The following SHISAL2A variants were observed in gnomAD, a reference collection of about 807,000 sequenced individuals.
SHISAL2A encodes protein shisa-like-2A.
SHISAL2A carries 18 observed loss-of-function variants against 11.5 expected under a neutral mutation model. That is an observed-to-expected ratio of 1.57 (90% CI 1.08 to 2.33). SHISAL2A has a LOEUF of 2.33. Ranked by LOEUF, SHISAL2A falls within the 30% of genes most tolerant of loss-of-function variation. SHISAL2A has a pLI of 0.00. For missense variants in SHISAL2A, 261 were observed against 250.9 expected (o/e 1.04, Z -0.27); for synonymous variants, 94 against 99.6 (o/e 0.94, Z 0.34).
At chr1:52,638,245 T>C (rs542121892) in intron 1 of SHISAL2A, among the ~76,000 whole-genome samples, 2 of 142,228 alleles carry the variant, frequency 1.4e-5, no homozygotes, top group South Asian at 4.5e-4. Flanking sequence ...GGAGAAAGAA[T>C]GGTAGACAGG....
At chr1:52,665,668 G>A (rs1239883325) in intron 4 of SHISAL2A, among the ~76,000 whole-genome samples, 4 of 152,156 alleles carry the variant, frequency 2.6e-5, no homozygotes, top group African/African-American at 9.7e-5. Context: ...TTGGGGCCCA[G>A]AGGAGGCCCT....
At chr1:52,638,748 G>T (rs1691293187) in intron 1 of SHISAL2A, among the ~76,000 whole-genome samples, 1 of 152,350 alleles carries the variant, frequency 6.6e-6, no homozygotes, top group Non-Finnish European at 1.5e-5. Context: ...CCACCTGACG[G>T]CCAGGAAGCT....
exon 6 of SHISAL2A, chr1:52,669,172 T>G (rs1692065126): frequency 6.8e-6 from 1 of 147,812 alleles, no homozygotes; most frequent in African/African-American, 2.6e-5. Flanking sequence ...AGATGGGGCT[T>G]CTCTTATTGC....
At chr1:52,667,314 C>G (rs2149898077) in intron 4 of SHISAL2A, 1 of 659,950 alleles carries the variant, frequency 1.5e-6, no homozygotes, top group Non-Finnish European at 1.9e-6. Context: ...CTCTTTTCCC[C>G]TCAGTAATAG....
At chr1:52,658,996 T>G (rs1691852233), downstream of SHISAL2A, among the ~76,000 whole-genome samples, 1 of 152,042 alleles carries the variant, frequency 6.6e-6, no homozygotes, top group Admixed American at 6.6e-5. Context: ...AGATTTTGGT[T>G]CTGGTCTTGC....
chr1:52,642,997 C>G lies in SHISAL2A; in HGVS notation c.317C>G (p.Thr106Arg), dbSNP rs774803515. ...TTGGACCTGGGCTTGAGCTTACAGA[C>G]AGCAGGTAAGGAAGTTGCCAGGTGA... ...TKLDLGLSLQ[T>R]AGPEEVSPDC... Residue 106 changes from threonine to arginine, a missense_variant, in exon 2 of 3, where the codon ACA (threonine) becomes AGA (arginine). Physicochemically the swap from Thr to Arg is moderately conservative, Grantham distance 71 (BLOSUM62 -1). Transcript: ENST00000517870. 6.2e-7 allele frequency: 1 copy of G among 1,614,076 alleles called. No homozygotes were observed. Among genetic ancestry groups the G allele is most frequent in the Non-Finnish European group, 8.5e-7 (1 of 1,179,990 alleles).
At chr1:52,660,882 C>G (rs1189375309), downstream of SHISAL2A, among the ~76,000 whole-genome samples, 1 of 152,174 alleles carries the variant, frequency 6.6e-6, no homozygotes, top group Non-Finnish European at 1.5e-5. Context: ...CAGGCATTTA[C>G]AAAAGATCCC....
chr1:52,648,096 A>G (rs1691544292), intron 2 of SHISAL2A, among the ~76,000 whole-genome samples: 1 of 147,826 alleles, frequency 6.8e-6, no homozygotes, highest in Non-Finnish European at 1.5e-5. Flanking sequence ...ATATTAACAT[A>G]TCTAATATAT....
chr1:52,642,834 T>G, intron 1 of SHISAL2A, 29 bp from the exon 2 acceptor site: 2 of 1,611,318 alleles, frequency 1.2e-6, no homozygotes, highest in Non-Finnish European at 1.7e-6. Flanking sequence ...TTCCTGACTC[T>G]CAGCTCCCAT....
downstream of SHISAL2A, among the ~76,000 whole-genome samples, chr1:52,661,460 G>A (rs1405318167): frequency 6.6e-6 from 1 of 152,172 alleles, no homozygotes; most frequent in African/African-American, 2.4e-5. Flanking sequence ...TCATGACACT[G>A]CTCCTCCTGA....
At chr1:52,634,943 C>G (rs771807937) in intron 1 of SHISAL2A, among the ~76,000 whole-genome samples, 2 of 152,174 alleles carry the variant, frequency 1.3e-5, no homozygotes, top group Non-Finnish European at 2.9e-5. Flanking sequence ...ATGACAATTA[C>G]AAATATTATT....
Position 52,657,000 on chromosome 1 carries a change from C to T in SHISAL2A, c.533C>T (p.Ala178Val), listed in dbSNP as rs1691805681. Residue 178 changes from alanine to valine, a missense_variant, in exon 3 of 3, where the codon GCC becomes GTC. By Grantham distance (64) the Ala-to-Val change is moderately conservative (BLOSUM62 0). Transcript: ENST00000517870. The part of the protein sequence containing the change: ...TSDIPGSPEE[A>V]SVPNPDLCGP... ...GACATTCCAGGCAGCCCTGAGGAAG[C>T]CTCTGTACCCAACCCTGACCTATGT... 4.3e-6 allele frequency: 7 copies of T among 1,613,810 alleles called. No individual in the cohort carries two copies. The highest frequency in any genetic ancestry group is 3.3e-4 in the Middle Eastern group (2 of 6,060).
At chr1:52,649,444 A>T (rs1456051383) in intron 2 of SHISAL2A, among the ~76,000 whole-genome samples, 1 of 152,156 alleles carries the variant, frequency 6.6e-6, no homozygotes, top group Non-Finnish European at 1.5e-5. Context: ...TATGGAGGCA[A>T]GGGTGGGGTG....
At chr1:52,645,313 C>A (rs980131951) in intron 2 of SHISAL2A, among the ~76,000 whole-genome samples, 1 of 152,136 alleles carries the variant, frequency 6.6e-6, no homozygotes, top group Admixed American at 6.5e-5. Context: ...GTGAGAAAGA[C>A]CTGAGAGGCA....
intron 1 of SHISAL2A, among the ~76,000 whole-genome samples, chr1:52,639,569 C>A (rs182823661): frequency 2.6e-5 from 4 of 151,856 alleles, no homozygotes; most frequent in Non-Finnish European, 4.4e-5. Flanking sequence ...CTGGCTAACA[C>A]GGTGAAACCC....
chr1:52,665,735 A>G (rs1691998453), intron 4 of SHISAL2A, among the ~76,000 whole-genome samples: 1 of 150,884 alleles, frequency 6.6e-6, no homozygotes, highest in Non-Finnish European at 1.5e-5. Context: ...CTCAAGCACC[A>G]TCCCCCCCCA....
intron 2 of SHISAL2A, among the ~76,000 whole-genome samples, chr1:52,653,958 A>G (rs1206539488): frequency 2.0e-5 from 3 of 152,304 alleles, no homozygotes; most frequent in African/African-American, 7.2e-5. Context: ...GGTTTGGCAC[A>G]AAGTAGCACA....
chr1:52,663,702 A>T (rs544643241), intron 4 of SHISAL2A, among the ~76,000 whole-genome samples: 1 of 152,346 alleles, frequency 6.6e-6, no homozygotes, highest in East Asian at 1.9e-4. Flanking sequence ...TGGAGGTTGC[A>T]GTGAGCTGAG....
chr1:52,669,055 GGA>G (rs1011883940), exon 6 of SHISAL2A: 6 of 152,112 alleles, frequency 3.9e-5, no homozygotes, highest in African/African-American at 1.4e-4. Flanking sequence ...AGATCTTGAA[GGA>G]GAGTGGGCAC....
Sources: allele counts gnomAD v4.1 joint callset (sites outside exome capture counted in the v4.1 genomes callset), GRCh38; gene constraint gnomAD v4.1.1; transcripts MANE v1.5; gene names NCBI Gene and HGNC (gene_info 2026-07-23, HGNC 2026-07-21).